LSAMP: variants seen among roughly 807,000 people sequenced by gnomAD.
LSAMP encodes limbic system-associated membrane protein.
A neutral mutation model predicts 38.6 loss-of-function variants in LSAMP; 7 were observed. That is an observed-to-expected ratio of 0.18 (90% CI 0.10 to 0.34). LSAMP has a LOEUF of 0.34. LSAMP is among the 10% of genes least tolerant of loss of function. The probability of loss-of-function intolerance (pLI) is 1.00; values close to 1 mark genes in which losing one functional copy is unlikely to be tolerated. For missense variants in LSAMP, 313 were observed against 420.0 expected (o/e 0.75, Z 2.23); for synonymous variants, 154 against 166.8 (o/e 0.92, Z 0.59).
chr3:116,020,977 C>A (rs1940621874), intron 2 of LSAMP, among the ~76,000 whole-genome samples: 1 of 152,136 alleles, frequency 6.6e-6, no homozygotes, highest in Admixed American at 6.5e-5. Context: ...AAGCACCTGA[C>A]AGCCAAACGA....
chr3:115,953,404 TACACACAC>T (rs71616336), intron 3 of LSAMP, among the ~76,000 whole-genome samples: 8,627 of 143,682 alleles, frequency 0.06, 351 homozygotes, highest in Non-Finnish European at 0.086. Context: ...GTAGTGTGCG[TACACACAC>T]ACACACACAC....
chr3:116,344,501 C>T (rs1291390197), intron 1 of LSAMP, among the ~76,000 whole-genome samples: 5 of 152,108 alleles, frequency 3.3e-5, no homozygotes, highest in Admixed American at 2.0e-4. Flanking sequence ...TTATTATACT[C>T]ATAACCCTAC....
At chr3:115,832,544 TG>T (rs1175314454) in intron 6 of LSAMP, among the ~76,000 whole-genome samples, 1 of 152,148 alleles carries the variant, frequency 6.6e-6, no homozygotes, top group Non-Finnish European at 1.5e-5. Flanking sequence ...TTTCTTTCAA[TG>T]GGAAGCTGCA....
intron 3 of LSAMP, among the ~76,000 whole-genome samples, chr3:115,986,735 C>T (rs957589080): frequency 6.6e-6 from 1 of 152,058 alleles, no homozygotes; most frequent in Non-Finnish European, 1.5e-5. Flanking sequence ...AACACAAAAT[C>T]AGAAGCTCAG....
chr3:116,306,151 T>C (rs1192195349), intron 1 of LSAMP, among the ~76,000 whole-genome samples: 1 of 152,020 alleles, frequency 6.6e-6, no homozygotes. Flanking sequence ...ACAATCTTTG[T>C]CCTCAAATAG....
At chr3:115,914,662 C>T (rs1937208280) in intron 3 of LSAMP, among the ~76,000 whole-genome samples, 1 of 152,158 alleles carries the variant, frequency 6.6e-6, no homozygotes, top group Non-Finnish European at 1.5e-5. Context: ...ATATTTCTTT[C>T]TTTTACCTCT....
chr3:116,097,164 T>C (rs1003504365), intron 1 of LSAMP, among the ~76,000 whole-genome samples: 6 of 152,026 alleles, frequency 3.9e-5, no homozygotes, highest in Non-Finnish European at 7.4e-5. Flanking sequence ...TTGAAGAAAA[T>C]TGTGATACTT....
intron 2 of LSAMP, among the ~76,000 whole-genome samples, chr3:116,083,616 A>G (rs1438161561): frequency 6.6e-6 from 1 of 152,220 alleles, no homozygotes; most frequent in Non-Finnish European, 1.5e-5. Flanking sequence ...CAGTATTTAC[A>G]TAATGATTAG....
chr3:116,175,681 A>T (rs1283404249), intron 1 of LSAMP, among the ~76,000 whole-genome samples: 1 of 152,210 alleles, frequency 6.6e-6, no homozygotes, highest in South Asian at 2.1e-4. Context: ...TAAATCATAC[A>T]TATTTATATC....
At chr3:116,365,684 T>G (rs1184745299) in intron 1 of LSAMP, among the ~76,000 whole-genome samples, 1 of 78,270 alleles carries the variant, frequency 1.3e-5, no homozygotes. Flanking sequence ...TATGCAGCCA[T>G]AAAAAATGAT....
At chr3:116,010,881 G>T (rs975803807) in intron 3 of LSAMP, among the ~76,000 whole-genome samples, 1 of 152,092 alleles carries the variant, frequency 6.6e-6, no homozygotes, top group Admixed American at 6.5e-5. Context: ...TATAAGTTAG[G>T]TTACTTCCCA....
chr3:115,848,207 T>C (rs1298782049), intron 4 of LSAMP, among the ~76,000 whole-genome samples: 1 of 152,136 alleles, frequency 6.6e-6, no homozygotes, highest in Non-Finnish European at 1.5e-5. Context: ...GCAGATCTCT[T>C]AAGGTCAAGA....
intron 1 of LSAMP, among the ~76,000 whole-genome samples, chr3:116,174,498 T>G (rs1417275225): frequency 6.6e-6 from 1 of 152,038 alleles, no homozygotes; most frequent in African/African-American, 2.4e-5. Context: ...GGCCTACTCA[T>G]GGACCAGAGG....
intron 1 of LSAMP, among the ~76,000 whole-genome samples, chr3:116,146,394 T>C (rs1709490555): frequency 6.6e-6 from 1 of 151,972 alleles, no homozygotes; most frequent in African/African-American, 2.4e-5. Flanking sequence ...AACAGAGCTA[T>C]TAGCATGACT....
intron 1 of LSAMP, among the ~76,000 whole-genome samples, chr3:116,382,205 C>A (rs1017540963): frequency 2.6e-5 from 4 of 152,010 alleles, no homozygotes; most frequent in African/African-American, 9.7e-5. Context: ...CACATGCACA[C>A]GTATGTTTTT....
chr3:115,945,054 T>C (rs1485879708), intron 3 of LSAMP, among the ~76,000 whole-genome samples: 1 of 152,176 alleles, frequency 6.6e-6, no homozygotes, highest in Non-Finnish European at 1.5e-5. Context: ...TCTAACCAGA[T>C]ATGGATTCCA....
chr3:115,991,844 G>T (rs192734223), intron 3 of LSAMP, among the ~76,000 whole-genome samples: 1 of 152,086 alleles, frequency 6.6e-6, no homozygotes, highest in African/African-American at 2.4e-5. Flanking sequence ...GAGGTTATTT[G>T]TGCCCAGCAA....
intron 1 of LSAMP, among the ~76,000 whole-genome samples, chr3:116,180,412 A>G (rs1710458132): frequency 6.6e-6 from 1 of 152,026 alleles, no homozygotes; most frequent in South Asian, 2.1e-4. Context: ...TAAAAGCTAG[A>G]GCATTATAAA....
intron 3 of LSAMP, among the ~76,000 whole-genome samples, chr3:115,983,040 A>G (rs1282814945): frequency 6.6e-6 from 1 of 151,464 alleles, no homozygotes; most frequent in Non-Finnish European, 1.5e-5. Flanking sequence ...TCCAACTTCC[A>G]TATCTCACTC....
Sources: allele counts gnomAD v4.1 joint callset (sites outside exome capture counted in the v4.1 genomes callset), GRCh38; gene constraint gnomAD v4.1.1; transcripts MANE v1.5; gene names NCBI Gene and HGNC (gene_info 2026-07-23, HGNC 2026-07-21).